TRIO: variants seen among roughly 807,000 people sequenced by gnomAD.
The protein encoded by TRIO is trio Rho guanine nucleotide exchange factor.
In TRIO, 58 loss-of-function variants were observed where a neutral mutation model predicts 351.9. The ratio of observed to expected loss-of-function variants is 0.16; its 90% CI spans 0.13 to 0.21. TRIO has a LOEUF of 0.21. Among genes scored for constraint, TRIO ranks in the 10% least tolerant of loss-of-function variants. The probability of loss-of-function intolerance (pLI) is 1.00; values close to 1 mark genes in which losing one functional copy is unlikely to be tolerated. For synonymous variants in TRIO, 1,758 were observed against 1,595.7 expected (o/e 1.10, Z -2.42); for missense variants, 3,201 against 4,027.8 (o/e 0.79, Z 5.56).
chr5:14,420,652 G>A (rs1375405402), intron 34 of TRIO: 2 of 153,020 alleles, frequency 1.3e-5, no homozygotes, highest in African/African-American at 4.8e-5. Context: ...AACAGCGGTG[G>A]GCTTCCCCTC....
At chr5:14,227,123 G>A (rs1793093982) in intron 1 of TRIO, among the ~76,000 whole-genome samples, 1 of 152,184 alleles carries the variant, frequency 6.6e-6, no homozygotes, top group Admixed American at 6.5e-5. Context: ...TAACAACTCA[G>A]TTTGTCAGCC....
At chr5:14,427,939 G>A (rs1012561538) in intron 34 of TRIO, among the ~76,000 whole-genome samples, 1 of 152,126 alleles carries the variant, frequency 6.6e-6, no homozygotes, top group Non-Finnish European at 1.5e-5. Flanking sequence ...CTCCAGCTTT[G>A]CAGAGACCAA....
At chr5:14,384,547 AT>A (rs1056158979) in intron 21 of TRIO, among the ~76,000 whole-genome samples, 10 of 152,192 alleles carry the variant, frequency 6.6e-5, no homozygotes, top group South Asian at 2.1e-4. Context: ...AGATGTAAGA[AT>A]TTTTTTTAAT....
chr5:14,207,523 T>TCTAC (rs1554033510), intron 1 of TRIO, among the ~76,000 whole-genome samples: 1 of 53,144 alleles, frequency 1.9e-5, no homozygotes, highest in Non-Finnish European at 4.1e-5. Flanking sequence ...ACTGTCTCTC[T>TCTAC]ACACACACAC....
At chr5:14,266,500 G>T (rs1263007548) in intron 1 of TRIO, among the ~76,000 whole-genome samples, 1 of 152,176 alleles carries the variant, frequency 6.6e-6, no homozygotes, top group African/African-American at 2.4e-5. Flanking sequence ...TTATTATTAA[G>T]GAATAGAAGT....
chr5:14,349,286 G>T (rs921061623), intron 11 of TRIO, among the ~76,000 whole-genome samples: 5 of 143,380 alleles, frequency 3.5e-5, no homozygotes, highest in African/African-American at 1.4e-4. Flanking sequence ...ATGTGTGTAC[G>T]CACGTGAGCA....
chr5:14,359,418 G>T lies in TRIO; in HGVS notation c.2278G>T (p.Val760Leu), dbSNP rs763318267. The T allele has an allele frequency of 2.5e-6, 4 of 1,614,278 alleles. No homozygotes were observed. The highest frequency in any genetic ancestry group is 3.4e-6 in the Non-Finnish European group (4 of 1,180,046). ...CAGCTCCATCAACCACATTGAGACG[G>T]TGCTGCAGCAGCTGGACGAGGCGCA... The part of the protein sequence containing the change: ...HNSSINHIET[V>L]LQQLDEAQSQ... The change falls in exon 13 of 57, where the codon GTG becomes TTG. Residue 760 changes from valine (V) to leucine (L), a missense_variant. Around this residue, in one of 19 missense-constraint regions of TRIO, gnomAD observed 363 missense variants for 553.5 expected, o/e 0.66. Coordinates refer to ENST00000344204, the MANE Select transcript of TRIO (RefSeq NM_007118.4).
intron 1 of TRIO, among the ~76,000 whole-genome samples, chr5:14,192,493 C>T (rs116573359): frequency 1.8e-3 from 270 of 152,196 alleles, no homozygotes; most frequent in African/African-American, 6.2e-3. Flanking sequence ...AGGTTGGTCT[C>T]GAGTCCCTGG....
chr5:14,481,730 G>T, intron 45 of TRIO, 112 bp downstream of exon 45: 5 of 994,438 alleles, frequency 5.0e-6, no homozygotes, highest in South Asian at 3.8e-5. Context: ...TGGTTTTCTG[G>T]CTTCTCTCAC....
At chr5:14,473,488 C>T (rs115523924) in intron 39 of TRIO, among the ~76,000 whole-genome samples, 3 of 152,320 alleles carry the variant, frequency 2.0e-5, no homozygotes, top group Non-Finnish European at 4.4e-5. Flanking sequence ...GGTTCTTGTA[C>T]AGACTTAAAT....
chr5:14,438,522 T>C (rs958536756), intron 34 of TRIO, among the ~76,000 whole-genome samples: 2 of 152,136 alleles, frequency 1.3e-5, no homozygotes, highest in South Asian at 4.1e-4. Flanking sequence ...TTCACCTCCT[T>C]CTCCTTCCCA....
chr5:14,381,962 C>T (rs1471339245), intron 21 of TRIO, among the ~76,000 whole-genome samples: 1 of 152,228 alleles, frequency 6.6e-6, no homozygotes, highest in African/African-American at 2.4e-5. Context: ...GAGGCTGAGT[C>T]CTTCCAAGAA....
chr5:14,217,533 G>A (rs1207947368), intron 1 of TRIO, among the ~76,000 whole-genome samples: 2 of 152,192 alleles, frequency 1.3e-5, no homozygotes. Flanking sequence ...TGCCAGCCAC[G>A]ACAGCTGCAG....
intron 8 of TRIO, among the ~76,000 whole-genome samples, chr5:14,305,344 C>A (rs753005812): frequency 1.3e-5 from 2 of 152,192 alleles, no homozygotes; most frequent in African/African-American, 4.8e-5. Flanking sequence ...TTGCCCATGC[C>A]TTGTTCCTCT....
Position 14,492,668 on chromosome 5 carries a change from T to G in TRIO, c.7734T>G (p.Val2578=). 1 of 1,614,148 alleles carries G rather than the reference T, an allele frequency of 6.2e-7. No homozygotes were observed. The highest frequency in any genetic ancestry group is 8.5e-7 in the Non-Finnish European group (1 of 1,180,026). Residue 2578 remains valine (V), a synonymous_variant, in exon 49 of 57, where the codon GTT becomes GTG. Transcript: ENST00000344204. ...TCAACGTCTACCAAGGAGAGGTCGT[T>G]CAAATTCTGGCCAGCAACCAGCAGA... ...DEINVYQGEV[V]QILASNQQNM...
At chr5:14,265,971 G>T (rs567846013) in intron 1 of TRIO, among the ~76,000 whole-genome samples, 110 of 152,228 alleles carry the variant, frequency 7.2e-4, no homozygotes, top group African/African-American at 2.6e-3. Context: ...CTTGGGTAGG[G>T]GTTCAGGGTC....
At chr5:14,190,801 T>C (rs1790407652) in intron 1 of TRIO, among the ~76,000 whole-genome samples, 1 of 152,180 alleles carries the variant, frequency 6.6e-6, no homozygotes, top group Non-Finnish European at 1.5e-5. Flanking sequence ...ATGGCTGTTA[T>C]GATCACCTCA....
rs377473785 is a variant in TRIO, at chr5:14,433,406, C to T, written c.5203+13385C>T. The stretch of plus-strand genomic sequence containing the variant: ...GGTATTATCTATGGGGTAAAGAAAC[C>T]GGAGAAAACTTCCTCTGAACAGGAG... On this transcript the variant is annotated intron_variant, in intron 34 of 56. Transcript: ENST00000344204. 7.2e-5 allele frequency among the ~76,000 whole-genome samples: 11 copies of T among 152,184 alleles called. 1 individual carries two copies. Among genetic ancestry groups the T allele is most frequent in the East Asian group, 1.9e-4 (1 of 5,178 alleles).
rs1008969422 is a variant in TRIO, at chr5:14,420,076, G to A, written c.5203+55G>A. On this transcript the variant is annotated intron_variant, in intron 34 of 56. Coordinates refer to ENST00000344204, the MANE Select transcript of TRIO (RefSeq NM_007118.4). Reference sequence around the variant, plus strand: ...CCCCTACTGGAAGTGGCCCTGGAGCGCTCTGTCTCCGCGCCTCTCCTGCCT... The same window carrying A: ...CCCCTACTGGAAGTGGCCCTGGAGCACTCTGTCTCCGCGCCTCTCCTGCCT... The A allele has an allele frequency of 2.1e-5, 33 of 1,583,450 alleles. 1 individual carries two copies. The highest frequency in any genetic ancestry group is 2.0e-4 in the Middle Eastern group (1 of 4,976).
Sources: allele counts gnomAD v4.1 joint callset (sites outside exome capture counted in the v4.1 genomes callset), GRCh38; gene constraint gnomAD v4.1.1; regional missense constraint gnomAD v4.1.1; transcripts MANE v1.5; gene names NCBI Gene and HGNC (gene_info 2026-07-23, HGNC 2026-07-21).